LIFR: variants seen among roughly 807,000 people sequenced by gnomAD.
LIFR encodes the protein LIF receptor subunit alpha, also known as leukemia inhibitory factor receptor.
In LIFR, 84 loss-of-function variants were observed where a neutral mutation model predicts 122.2. That is an observed-to-expected ratio of 0.69 (90% CI 0.58 to 0.82). The LOEUF (loss-of-function observed/expected upper bound fraction) is 0.82. LIFR is among the 40% of genes least tolerant of loss of function. The probability of loss-of-function intolerance (pLI) is 0.00; values close to 1 mark genes in which losing one functional copy is unlikely to be tolerated. For synonymous variants in LIFR, 422 were observed against 434.7 expected, an observed-to-expected ratio of 0.97 and a Z score of 0.36; for missense variants, 1,294 against 1,311.6, an observed-to-expected ratio of 0.99 and a Z score of 0.21.
At chr5:38,603,198 C>G (rs909008907) in intron 2 of LIFR, among the ~76,000 whole-genome samples, 2 of 152,136 alleles carry the variant, frequency 1.3e-5, no homozygotes, top group Non-Finnish European at 2.9e-5. Context: ...CCTTTCTTTC[C>G]TCTTCTAAAG....
At chr5:38,600,869 G>T (rs1750210125) in intron 2 of LIFR, among the ~76,000 whole-genome samples, 1 of 152,146 alleles carries the variant, frequency 6.6e-6, no homozygotes, top group African/African-American at 2.4e-5. Context: ...GCGGGAGGAA[G>T]CTGAATGCTG....
intron 1 of LIFR, among the ~76,000 whole-genome samples, chr5:38,540,730 T>C (rs964938123): frequency 2.6e-5 from 4 of 151,990 alleles, no homozygotes; most frequent in Non-Finnish European, 5.9e-5. Flanking sequence ...TTTTTATTAT[T>C]ATTATTATGA....
Position 38,477,226 on chromosome 5 carries a change from T to C in LIFR, c.*4369A>G. ...GTTTAAGTATTATTAATAGCCCTGG[T>C]ACATAATCCATAAAGATAAAAACGA... On this transcript the variant is annotated 3_prime_UTR_variant, in exon 20 of 20. Transcript: ENST00000453190. The C allele has an allele frequency of 4.5e-6, 1 of 220,886 alleles. No individual in the cohort carries two copies. 13.7% of individuals were successfully genotyped at this position (220,886 alleles called of 1,614,324 possible).
Position 38,510,552 on chromosome 5 carries a change from A to T in LIFR, c.903T>A (p.Ile301=). ...TACTTGCAGAAACAGAAATATTACG[A>T]ATCTTGATTGCAACATTTTCCCCAT... ...HLDGENVAIK[I]RNISVSASSG... Residue 301 remains isoleucine (I), a synonymous_variant, in exon 7 of 20, where the codon ATT becomes ATA. Coordinates refer to ENST00000453190, the MANE Select transcript of LIFR (RefSeq NM_001127671.2). 6.2e-7 allele frequency: 1 copy of T among 1,613,992 alleles called. No homozygotes were observed. The highest frequency in any genetic ancestry group is 8.5e-7 in the Non-Finnish European group (1 of 1,179,932).
chr5:38,503,001 C>T (rs956538308), intron 10 of LIFR, among the ~76,000 whole-genome samples: 2 of 151,772 alleles, frequency 1.3e-5, no homozygotes, highest in Admixed American at 6.6e-5. Context: ...ATATACCTGC[C>T]AAGCCAATGA....
upstream of LIFR, among the ~76,000 whole-genome samples, chr5:38,596,924 A>C (rs908555634): frequency 6.7e-6 from 1 of 148,216 alleles, no homozygotes; most frequent in Admixed American, 6.7e-5. Flanking sequence ...AAAAAAAAAA[A>C]TGCTTCCAAA....
At chr5:38,534,194 C>A (rs968137332) in intron 1 of LIFR, among the ~76,000 whole-genome samples, 1 of 152,158 alleles carries the variant, frequency 6.6e-6, no homozygotes, top group African/African-American at 2.4e-5. Flanking sequence ...CTTTGACCAG[C>A]AACTATTTTC....
rs996661385 is a variant in LIFR at position 38,477,912 on chromosome 5, A to G, written c.*3683T>C. ...TCATAAAATGCACACAAATTTTAACATAATTCAAAATAGAGAATAGCAAAA... is the reference window on the plus strand; with the variant it reads ...TCATAAAATGCACACAAATTTTAACGTAATTCAAAATAGAGAATAGCAAAA... On this transcript the variant is annotated 3_prime_UTR_variant, in exon 20 of 20. Coordinates refer to ENST00000453190, the MANE Select transcript of LIFR (RefSeq NM_001127671.2). The G allele has an allele frequency of 9.3e-6, 2 of 214,902 alleles. No homozygotes were observed. 13.3% of individuals were successfully genotyped at this position (214,902 alleles called of 1,614,324 possible). A position where few individuals can be genotyped will look rare whatever the true frequency, so the allele number is the denominator to read the frequency against.
At chr5:38,588,999 CTTTTT>C (rs70978896) in intron 1 of LIFR, among the ~76,000 whole-genome samples, 1 of 116,402 alleles carries the variant, frequency 8.6e-6, no homozygotes. Flanking sequence ...TATGTTATTT[CTTTTT>C]TTTTTTTTTT....
chr5:38,488,139 G>A (rs1744387833), intron 16 of LIFR, among the ~76,000 whole-genome samples: 1 of 152,094 alleles, frequency 6.6e-6, no homozygotes, highest in African/African-American at 2.4e-5. Context: ...AAATTTCCAA[G>A]CATGTGAGGC....
At chr5:38,506,410 A>C in intron 8 of LIFR, 93 bp downstream of exon 8, 1 of 1,447,268 alleles carries the variant, frequency 6.9e-7, no homozygotes, top group Non-Finnish European at 9.7e-7. Flanking sequence ...TCTTGTTTGT[A>C]ACATAAATGA....
chr5:38,550,700 C>A (rs1447785503), intron 1 of LIFR, among the ~76,000 whole-genome samples: 2 of 152,120 alleles, frequency 1.3e-5, no homozygotes, highest in Non-Finnish European at 2.9e-5. Context: ...ATGCTAGGGA[C>A]ACGGTGGTAA....
At chr5:38,535,473 G>A (rs896238342) in intron 1 of LIFR, among the ~76,000 whole-genome samples, 5 of 152,032 alleles carry the variant, frequency 3.3e-5, no homozygotes, top group East Asian at 3.8e-4. Context: ...ACACAGCCAC[G>A]CCCACTAGTT....
At chr5:38,551,859 A>G (rs930797336) in intron 1 of LIFR, among the ~76,000 whole-genome samples, 2 of 152,238 alleles carry the variant, frequency 1.3e-5, no homozygotes, top group Admixed American at 1.3e-4. Context: ...ACCAGCAGCA[A>G]CATCCTATAA....
At chr5:38,526,659 C>T (rs1746704211) in intron 4 of LIFR, among the ~76,000 whole-genome samples, 1 of 152,076 alleles carries the variant, frequency 6.6e-6, no homozygotes, top group Admixed American at 6.6e-5. Flanking sequence ...CTTACACTCA[C>T]CTAATTTGCT....
At chr5:38,526,439 GTGTATATATATA>G (rs906502424) in intron 4 of LIFR, among the ~76,000 whole-genome samples, 3 of 134,144 alleles carry the variant, frequency 2.2e-5, no homozygotes, top group African/African-American at 5.4e-5. Context: ...GTGTGTGTGT[GTGTATATATATA>G]TATATAAAAT....
chr5:38,527,186 T>C lies in LIFR; in HGVS notation c.366A>G (p.Thr122=), dbSNP rs764510545. 1.3e-5 allele frequency: 20 copies of C among 1,594,328 alleles called. No individual in the cohort carries two copies. The African/African-American group carries it at 1.5e-4, about 12-fold the overall frequency. Residue 122 remains threonine (T), a synonymous_variant, in exon 4 of 20, where the codon ACA becomes ACG. Transcript: ENST00000453190. ...TTTGTTCATTTAGTGTGAATTTACT[T>C]GTAGAACTTCCAAAATCATGTAGAG... ...INSLHDFGSS[T]SKFTLNEQNV...
intron 5 of LIFR, among the ~76,000 whole-genome samples, chr5:38,520,523 C>T (rs945531868): frequency 5.3e-5 from 8 of 152,098 alleles, no homozygotes; most frequent in African/African-American, 1.4e-4. Context: ...AAATCTTTAC[C>T]TGGACCAATG....
chr5:38,494,529 G>C (rs1744775970), intron 13 of LIFR, among the ~76,000 whole-genome samples: 1 of 152,172 alleles, frequency 6.6e-6, no homozygotes, highest in Admixed American at 6.5e-5. Context: ...TTGTTTCCCT[G>C]TCTTGCCAGA....
Sources: gnomAD v4.1 joint callset for allele counts (sites outside exome capture counted in the v4.1 genomes callset) on GRCh38, gnomAD v4.1.1 for gene constraint, MANE v1.5 for transcripts, NCBI Gene and HGNC (gene_info 2026-07-23, HGNC 2026-07-21) for gene names.